MPRIP: variants seen among roughly 807,000 people sequenced by gnomAD.
MPRIP encodes myosin phosphatase Rho-interacting protein.
In MPRIP, 59 loss-of-function variants were observed where a neutral mutation model predicts 234.9. That is an observed-to-expected ratio of 0.25 (90% CI 0.20 to 0.31). The LOEUF (loss-of-function observed/expected upper bound fraction) is 0.31, where lower values mean the gene tolerates loss of function less well. Ranked by LOEUF, MPRIP falls within the 10% of genes least tolerant of loss-of-function variation. The pLI is 1.00. For missense variants in MPRIP, 2,436 were observed against 3,071.0 expected (o/e 0.79, Z 4.89); for synonymous variants, 1,144 against 1,263.9 (o/e 0.91, Z 2.01).
chr17:17,136,735 T>C (rs1331041037), intron 6 of MPRIP, among the ~76,000 whole-genome samples: 1 of 152,222 alleles, frequency 6.6e-6, no homozygotes, highest in African/African-American at 2.4e-5. Context: ...AAAAACGTTT[T>C]GCAGCAGGGT....
intron 3 of MPRIP, among the ~76,000 whole-genome samples, chr17:17,094,256 AG>A (rs1281119542): frequency 6.6e-6 from 1 of 152,198 alleles, no homozygotes; most frequent in Non-Finnish European, 1.5e-5. Flanking sequence ...ACTCTTGACC[AG>A]GAGCTGGACT....
rs900912505 is a variant in MPRIP at position 17,188,169 on chromosome 17, C to G, written c.*3275C>G. On this transcript the variant is annotated 3_prime_UTR_variant, in exon 24 of 24. Coordinates refer to ENST00000651222, the MANE Select transcript of MPRIP (RefSeq NM_001364716.4). ...TTTCAGAGGACGCGCTGTCCACAGCCTCCCGGGTCTGAGTGGATCATTGGG... is the reference window on the plus strand; with the variant it reads ...TTTCAGAGGACGCGCTGTCCACAGCGTCCCGGGTCTGAGTGGATCATTGGG... 1.3e-5 allele frequency: 2 copies of G among 152,220 alleles called. No individual in the cohort carries two copies. The highest frequency in any genetic ancestry group is 2.9e-5 in the Non-Finnish European group (2 of 68,052). The allele number at this position is 152,220 out of a possible 1,614,324, so 9.4% of individuals were successfully genotyped here. A position where few individuals can be genotyped will look rare whatever the true frequency, so the allele number is the denominator to read the frequency against.
chr17:17,070,703 T>C (rs2089171585), intron 1 of MPRIP, among the ~76,000 whole-genome samples: 1 of 152,388 alleles, frequency 6.6e-6, no homozygotes, highest in East Asian at 1.9e-4. Flanking sequence ...TTAAAATCTT[T>C]AAATGTGGGA....
intron 3 of MPRIP, among the ~76,000 whole-genome samples, chr17:17,122,986 A>G (rs537100069): frequency 1.3e-5 from 2 of 152,252 alleles, no homozygotes; most frequent in African/African-American, 4.8e-5. Context: ...CAACAGATGA[A>G]TGGATAAACA....
Position 17,164,338 on chromosome 17 carries a change from A to G in MPRIP, c.2747A>G (p.Lys916Arg). 7.7e-7 allele frequency: 1 copy of G among 1,302,646 alleles called. No individual in the cohort carries two copies. Among genetic ancestry groups the G allele is most frequent in the African/African-American group, 1.5e-5 (1 of 66,010 alleles). 80.7% of individuals were successfully genotyped at this position (1,302,646 alleles called of 1,614,324 possible). The change falls in exon 16 of 24, where the codon AAG (lysine) becomes AGG (arginine). Residue 916 changes from lysine to arginine, a missense_variant. Physicochemically the swap from Lys to Arg is conservative, Grantham distance 26 (BLOSUM62 2). Around this residue, in one of 4 missense-constraint regions of MPRIP, gnomAD observed 1,998 missense variants for 2,520.3 expected, o/e 0.79. Transcript: ENST00000651222. The stretch of plus-strand genomic sequence containing the variant: ...AATGCGGCCGCTGAGCTAGCCATCA[A>G]GGAGCAGGCGCTGGCCAAGCTCAAG... ...LSNAAAELAIKEQALAKLKGD... is the reference protein window; with the variant it reads ...LSNAAAELAIREQALAKLKGD...
chr17:17,164,748 C>A lies in MPRIP; in HGVS notation c.3157C>A (p.Gln1053Lys), dbSNP rs924014342. ...VEDKASAYEDQLQGQAQQVET... is the reference protein window; with the variant it reads ...VEDKASAYEDKLQGQAQQVET... ...AGACAAGGCCAGCGCCTATGAGGACCAGCTGCAGGGTCAGGCACAGCAGGT... is the reference window on the plus strand; with the variant it reads ...AGACAAGGCCAGCGCCTATGAGGACAAGCTGCAGGGTCAGGCACAGCAGGT... Residue 1053 changes from glutamine to lysine, a missense_variant, in exon 16 of 24, where the codon CAG (glutamine) becomes AAG (lysine). Physicochemically the swap from Gln to Lys is moderately conservative, Grantham distance 53 (BLOSUM62 1). Transcript: ENST00000651222. 7.7e-7 allele frequency: 1 copy of A among 1,303,524 alleles called. No individual in the cohort carries two copies. Among genetic ancestry groups the A allele is most frequent in the Admixed American group, 2.3e-5 (1 of 43,376 alleles). The allele number at this position is 1,303,524 out of a possible 1,614,324, so 80.7% of individuals were successfully genotyped here. A position where few individuals can be genotyped will look rare whatever the true frequency, so the allele number is the denominator to read the frequency against.
chr17:17,112,501 C>G (rs1053845669), intron 3 of MPRIP, among the ~76,000 whole-genome samples: 9 of 152,332 alleles, frequency 5.9e-5, no homozygotes, highest in Non-Finnish European at 1.0e-4. Context: ...GATGGTGGCC[C>G]TGCCCCGCAG....
intron 18 of MPRIP, 169 bp from the exon 19 acceptor site, chr17:17,173,747 G>A (rs759252088): frequency 6.5e-6 from 5 of 770,734 alleles, no homozygotes; most frequent in East Asian, 2.7e-5. Flanking sequence ...AGGGGCGTGA[G>A]GCCATCTCTG....
chr17:17,130,084 G>A (rs569242287), intron 4 of MPRIP, among the ~76,000 whole-genome samples: 8 of 152,196 alleles, frequency 5.3e-5, no homozygotes, highest in Non-Finnish European at 8.8e-5. Context: ...TTTTGGGGCC[G>A]TGGAGGAATG....
intron 2 of MPRIP, chr17:17,077,771 A>T (rs2089368604): frequency 1.5e-5 from 6 of 403,992 alleles, no homozygotes; most frequent in Admixed American, 3.8e-5. Context: ...AAAAAAAAAA[A>T]GACTTCTTAT....
At chr17:17,173,793 T>C (rs766751334) in intron 18 of MPRIP, 123 bp from the exon 19 acceptor site, 3 of 1,148,400 alleles carry the variant, frequency 2.6e-6, no homozygotes, top group Admixed American at 1.9e-5. Flanking sequence ...CCAGGCTGAT[T>C]AAGACAACAG....
chr17:17,149,725 G>T (rs1544695), intron 11 of MPRIP: 1 of 147,346 alleles, frequency 6.8e-6, no homozygotes, highest in Non-Finnish European at 1.5e-5. Flanking sequence ...ATATTTAAAT[G>T]TATAAAATAT....
At chr17:17,076,686 C>T (rs897811753) in intron 2 of MPRIP, among the ~76,000 whole-genome samples, 2 of 152,184 alleles carry the variant, frequency 1.3e-5, no homozygotes, top group African/African-American at 4.8e-5. Flanking sequence ...CTTTGCAAGG[C>T]CCTTTGAGTC....
At position 17,154,301 on chromosome 17, in the gene MPRIP, T is replaced by C. The variant is rs746745819; in HGVS notation, c.1720-5T>C. On this transcript the variant is annotated splice_region_variant and splice_polypyrimidine_tract_variant and intron_variant, in intron 12 of 23. Coordinates refer to ENST00000651222, the MANE Select transcript of MPRIP (RefSeq NM_001364716.4). ...CACTGATGGTGCCTCATCTTTTCTC[T>C]GTAGACAAAGGAGGGCGAGTTTACC... The C allele has an allele frequency of 1.2e-6, 2 of 1,613,678 alleles. No homozygotes were observed. Among genetic ancestry groups the C allele is most frequent in the South Asian group, 2.2e-5 (2 of 91,072 alleles).
intron 6 of MPRIP, among the ~76,000 whole-genome samples, 173 bp from the exon 7 acceptor site, chr17:17,137,743 A>G (rs2144474775): frequency 2.0e-5 from 3 of 152,110 alleles, no homozygotes; most frequent in Middle Eastern, 6.8e-3. Flanking sequence ...TTTCATTCCC[A>G]TCCATGGTTC....
chr17:17,073,134 C>T (rs1287288314), intron 1 of MPRIP, among the ~76,000 whole-genome samples: 1 of 152,176 alleles, frequency 6.6e-6, no homozygotes, highest in Non-Finnish European at 1.5e-5. Flanking sequence ...CCTCTGCTCT[C>T]TATCACTCTG....
intron 15 of MPRIP, among the ~76,000 whole-genome samples, chr17:17,162,177 A>G (rs972327431): frequency 4.6e-5 from 7 of 152,230 alleles, no homozygotes; most frequent in Admixed American, 4.6e-4. Flanking sequence ...ATTAGAATCA[A>G]GGTCCTAGGT....
At chr17:17,091,085 C>T (rs1476707216) in intron 3 of MPRIP, among the ~76,000 whole-genome samples, 1 of 122,498 alleles carries the variant, frequency 8.2e-6, no homozygotes, top group South Asian at 3.2e-4. Flanking sequence ...TTGAAGATCT[C>T]GGGGGCGGTT....
chr17:17,049,338 T>C lies in MPRIP; in HGVS notation c.123+6367T>C, dbSNP rs561633436. Among the ~76,000 whole-genome samples the C allele has an allele frequency of 2.6e-5, 4 of 152,220 alleles. No homozygotes were observed. The East Asian group carries it at 5.8e-4, about 22-fold the overall frequency. On this transcript the variant is annotated intron_variant, in intron 1 of 23. Coordinates refer to ENST00000651222, the MANE Select transcript of MPRIP (RefSeq NM_001364716.4). ...TCACTTCCAAATGCTTCTTGACTTATGATGGGACTTATGGTGGGGGTACAT... is the reference window on the plus strand; with the variant it reads ...TCACTTCCAAATGCTTCTTGACTTACGATGGGACTTATGGTGGGGGTACAT...
Sources: allele counts gnomAD v4.1 joint callset (sites outside exome capture counted in the v4.1 genomes callset), GRCh38; gene constraint gnomAD v4.1.1; regional missense constraint gnomAD v4.1.1; transcripts MANE v1.5; gene names NCBI Gene and HGNC (gene_info 2026-07-23, HGNC 2026-07-21).